PHF14: variants seen among roughly 807,000 people sequenced by gnomAD.
PHF14 encodes PHD finger protein 14.
PHF14 carries 55 observed loss-of-function variants against 117.9 expected under a neutral mutation model. The ratio of observed to expected loss-of-function variants is 0.47; its 90% CI spans 0.38 to 0.58. The LOEUF (loss-of-function observed/expected upper bound fraction) is 0.58. PHF14 is among the 20% of genes least tolerant of loss of function. The probability of loss-of-function intolerance (pLI) is 0.00; values close to 1 mark genes in which losing one functional copy is unlikely to be tolerated. For missense variants in PHF14, 978 were observed against 1,122.2 expected (o/e 0.87, Z 1.84); for synonymous variants, 409 against 368.6 (o/e 1.11, Z -1.26).
chr7:11,138,680 C>T (rs370649757), intron 17 of PHF14, among the ~76,000 whole-genome samples: 2 of 152,102 alleles, frequency 1.3e-5, no homozygotes, highest in Non-Finnish European at 2.9e-5. Flanking sequence ...GCATATCATT[C>T]GTGCAAGTTC....
intron 17 of PHF14, among the ~76,000 whole-genome samples, chr7:11,155,183 T>C (rs1346018939): frequency 6.6e-5 from 10 of 152,178 alleles, no homozygotes; most frequent in African/African-American, 2.4e-4. Context: ...TCAAAAATAG[T>C]TACTGCCATT....
At chr7:11,021,435 G>C (rs780972669) in intron 5 of PHF14, among the ~76,000 whole-genome samples, 1 of 152,130 alleles carries the variant, frequency 6.6e-6, no homozygotes, top group African/African-American at 2.4e-5. Context: ...GACTTTGATA[G>C]GTATTTTAAT....
chr7:11,027,068 G>GT (rs745342983), intron 6 of PHF14, among the ~76,000 whole-genome samples: 3 of 151,966 alleles, frequency 2.0e-5, no homozygotes, highest in Non-Finnish European at 2.9e-5. Context: ...TTGATAGATT[G>GT]TTTTATAGTC....
At chr7:11,078,538 A>AT (rs1583443831) in intron 16 of PHF14, among the ~76,000 whole-genome samples, 1 of 152,250 alleles carries the variant, frequency 6.6e-6, no homozygotes, top group East Asian at 1.9e-4. Flanking sequence ...ATCCCTTTTA[A>AT]TTTTCAAATT....
chr7:10,998,940 A>G (rs568577618), intron 4 of PHF14, among the ~76,000 whole-genome samples: 6 of 152,304 alleles, frequency 3.9e-5, no homozygotes, highest in African/African-American at 1.4e-4. Context: ...AGGCCAGCAC[A>G]GTAGTTTTGA....
rs1392868085 is a variant in PHF14, at chr7:10,990,715, C to G, written c.913C>G (p.Leu305Val). Residue 305 changes from leucine to valine, a missense_variant, in exon 4 of 18, where the codon CTT becomes GTT. By Grantham distance (32) the Leu-to-Val change is conservative (BLOSUM62 1). This residue lies in a region of PHF14 where 414 missense variants were observed against 376.4 expected (regional missense o/e 1.10). Coordinates refer to ENST00000634607, the MANE Select transcript of PHF14 (RefSeq NM_001007157.2). Reference protein sequence around the residue: ...QSKSNEDSLILEKSQNWSSQK... With the variant: ...QSKSNEDSLIVEKSQNWSSQK... Reference sequence around the variant, plus strand: ...ATTTTAATATTAGGACTCGCTGATTCTTGAGAAGAGTCAAAACTGGAGCTC... The same window carrying G: ...ATTTTAATATTAGGACTCGCTGATTGTTGAGAAGAGTCAAAACTGGAGCTC... The G allele has an allele frequency of 1.3e-6, 2 of 1,541,320 alleles. No homozygotes were observed. The highest frequency in any genetic ancestry group is 8.8e-7 in the Non-Finnish European group (1 of 1,135,916).
intron 17 of PHF14, among the ~76,000 whole-genome samples, chr7:11,129,193 G>A (rs1015956941): frequency 2.6e-5 from 4 of 152,070 alleles, no homozygotes; most frequent in African/African-American, 9.7e-5. Context: ...CCAAATGGCA[G>A]TAGAGGTGGT....
At chr7:11,026,672 C>G (rs577201023) in intron 6 of PHF14, among the ~76,000 whole-genome samples, 1 of 149,606 alleles carries the variant, frequency 6.7e-6, no homozygotes, top group African/African-American at 2.4e-5. Context: ...TAGAAAGTGT[C>G]CAGTTACGTT....
At chr7:11,102,869 G>A in intron 16 of PHF14, 1 of 1,139,872 alleles carries the variant, frequency 8.8e-7, no homozygotes, top group Non-Finnish European at 1.1e-6. Context: ...TTTCCCTCTT[G>A]CTTCTTTGGC....
chr7:11,067,194 G>A (rs917871767), intron 16 of PHF14, among the ~76,000 whole-genome samples: 6 of 152,132 alleles, frequency 3.9e-5, no homozygotes, highest in African/African-American at 7.2e-5. Context: ...TAGCCAACAA[G>A]CATATGAAAA....
chr7:11,081,748 T>C (rs974498926), intron 16 of PHF14, among the ~76,000 whole-genome samples: 2 of 151,598 alleles, frequency 1.3e-5, no homozygotes, highest in East Asian at 3.9e-4. Context: ...CCCAGCTACT[T>C]GGGAGGCTGA....
chr7:10,983,936 CTCTT>C (rs1782130717), intron 3 of PHF14, among the ~76,000 whole-genome samples: 1 of 152,076 alleles, frequency 6.6e-6, no homozygotes, highest in Admixed American at 6.6e-5. Flanking sequence ...ACATTTGTGT[CTCTT>C]TGTCTGTGTG....
At chr7:11,059,953 C>G (rs1354750749) in intron 14 of PHF14, among the ~76,000 whole-genome samples, 1 of 152,110 alleles carries the variant, frequency 6.6e-6, no homozygotes, top group Non-Finnish European at 1.5e-5. Flanking sequence ...TCACTGCAGC[C>G]TAGATCTCCT....
intron 14 of PHF14, among the ~76,000 whole-genome samples, chr7:11,053,386 T>C (rs898149427): frequency 6.6e-6 from 1 of 151,988 alleles, no homozygotes; most frequent in Non-Finnish European, 1.5e-5. Context: ...TTATTTGTAG[T>C]TTCAACTGTT....
At chr7:10,991,159 G>C (rs766599226) in intron 4 of PHF14, among the ~76,000 whole-genome samples, 3 of 151,528 alleles carry the variant, frequency 2.0e-5, no homozygotes, top group Non-Finnish European at 2.9e-5. Flanking sequence ...CCTAATTTTT[G>C]TGTTCTTTTT....
intron 14 of PHF14, chr7:11,061,533 A>AT: frequency 5.6e-5 from 14 of 250,118 alleles, no homozygotes; most frequent in Non-Finnish European, 8.2e-5. Flanking sequence ...TGGAGAATTC[A>AT]TTTTTTTTCT....
chr7:11,034,385 T>C (rs988980891), intron 7 of PHF14, among the ~76,000 whole-genome samples: 2 of 152,054 alleles, frequency 1.3e-5, no homozygotes, highest in Non-Finnish European at 2.9e-5. Flanking sequence ...TTGTTTTTGA[T>C]AGAATAAATA....
At chr7:11,003,164 C>T (rs1454308577) in intron 4 of PHF14, among the ~76,000 whole-genome samples, 2 of 152,206 alleles carry the variant, frequency 1.3e-5, no homozygotes, top group Non-Finnish European at 2.9e-5. Context: ...TGGTCTTGAT[C>T]TCCTGACCTC....
At chr7:11,009,398 A>G (rs1380982373) in intron 4 of PHF14, among the ~76,000 whole-genome samples, 1 of 152,234 alleles carries the variant, frequency 6.6e-6, no homozygotes, top group African/African-American at 2.4e-5. Flanking sequence ...TGAGTTGTGT[A>G]CATTGCATAT....
Sources: gnomAD v4.1 joint callset for allele counts (sites outside exome capture counted in the v4.1 genomes callset) on GRCh38, gnomAD v4.1.1 for gene constraint, gnomAD v4.1.1 regional missense constraint, MANE v1.5 for transcripts, NCBI Gene and HGNC (gene_info 2026-07-23, HGNC 2026-07-21) for gene names.